KAZN: variants seen among roughly 807,000 people sequenced by gnomAD.
KAZN encodes the protein kazrin, periplakin interacting protein.
A neutral mutation model predicts 87.4 loss-of-function variants in KAZN; 40 were observed. The ratio of observed to expected loss-of-function variants is 0.46; its 90% CI spans 0.36 to 0.60. The LOEUF (loss-of-function observed/expected upper bound fraction) is 0.60, where lower values mean the gene tolerates loss of function less well. Among genes scored for constraint, KAZN ranks in the 20% least tolerant of loss-of-function variants. KAZN has a pLI of 0.00. For synonymous variants in KAZN, 466 were observed against 458.3 expected (o/e 1.02, Z -0.22); for missense variants, 898 against 1,073.9 (o/e 0.84, Z 2.29).
intron 1 of KAZN, among the ~76,000 whole-genome samples, chr1:14,615,513 C>T (rs1678163446): frequency 6.6e-6 from 1 of 152,064 alleles, no homozygotes; most frequent in South Asian, 2.1e-4. Flanking sequence ...GTAATTCCAG[C>T]TACTTGGGAG....
At chr1:13,939,579 T>G (rs368728847) in intron 1 of KAZN, among the ~76,000 whole-genome samples, 6 of 152,240 alleles carry the variant, frequency 3.9e-5, no homozygotes, top group African/African-American at 1.4e-4. Context: ...CCCTCCAAAC[T>G]CTTCCAATCT....
At chr1:14,933,850 T>C (rs1462503946) in intron 1 of KAZN, among the ~76,000 whole-genome samples, 1 of 35,770 alleles carries the variant, frequency 2.8e-5, no homozygotes, top group Non-Finnish European at 4.3e-5. Context: ...CTTTTTTTTC[T>C]TTTTTTTTTT....
At chr1:14,499,687 T>G (rs1354221632) in intron 2 of KAZN, among the ~76,000 whole-genome samples, 1 of 152,218 alleles carries the variant, frequency 6.6e-6, no homozygotes, top group Non-Finnish European at 1.5e-5. Flanking sequence ...GATGCTGAGC[T>G]CCTGATGAGT....
At chr1:14,246,887 A>C (rs4661480) in intron 2 of KAZN, among the ~76,000 whole-genome samples, 74,004 of 151,622 alleles carry the variant, frequency 0.49, 20,061 homozygotes, top group African/African-American at 0.71. Flanking sequence ...AGCTTTGTAA[A>C]AATGTCTCTA....
intron 1 of KAZN, chr1:14,924,416 C>G: frequency 1.2e-5 from 12 of 988,074 alleles, no homozygotes; most frequent in South Asian, 4.5e-5. Context: ...GCTCGCGGCG[C>G]AGGGCGAGCC....
chr1:14,078,197 A>C (rs1643535405), intron 1 of KAZN, among the ~76,000 whole-genome samples: 2 of 152,106 alleles, frequency 1.3e-5, no homozygotes, highest in Admixed American at 1.3e-4. Flanking sequence ...TGATGAGCTG[A>C]TGTACACTCT....
intron 2 of KAZN, among the ~76,000 whole-genome samples, chr1:14,231,977 G>A (rs1647903840): frequency 6.6e-6 from 1 of 152,144 alleles, no homozygotes; most frequent in African/African-American, 2.4e-5. Flanking sequence ...GATGGCTTGG[G>A]AGGGGTTTAT....
intron 1 of KAZN, among the ~76,000 whole-genome samples, chr1:14,729,204 G>T (rs775208383): frequency 2.0e-5 from 3 of 152,218 alleles, no homozygotes; most frequent in African/African-American, 7.2e-5. Flanking sequence ...AGGAGGGACA[G>T]CAAAGAAATG....
intron 1 of KAZN, among the ~76,000 whole-genome samples, chr1:14,084,110 G>A (rs1643777230): frequency 6.6e-6 from 1 of 152,248 alleles, no homozygotes. Context: ...CAGCCCCTCT[G>A]GAGGGAGGTG....
intron 2 of KAZN, among the ~76,000 whole-genome samples, chr1:14,416,943 C>T (rs550156260): frequency 1.0e-4 from 15 of 147,484 alleles, no homozygotes; most frequent in African/African-American, 3.5e-4. Flanking sequence ...TGTGTGTGAG[C>T]GTGTATATGT....
At chr1:14,768,976 T>C (rs7540574) in intron 1 of KAZN, among the ~76,000 whole-genome samples, 10,419 of 152,308 alleles carry the variant, frequency 0.068, 728 homozygotes, top group African/African-American at 0.17. Context: ...AGTGTGCAGC[T>C]ACCTCTTCCC....
chr1:14,222,456 T>C (rs893589708), intron 2 of KAZN, among the ~76,000 whole-genome samples: 5 of 152,218 alleles, frequency 3.3e-5, no homozygotes, highest in African/African-American at 1.2e-4. Context: ...CCACTTTTTA[T>C]AAAGGAGTCT....
intron 2 of KAZN, among the ~76,000 whole-genome samples, chr1:14,218,699 A>G (rs1431089253): frequency 6.6e-6 from 1 of 152,162 alleles, no homozygotes; most frequent in Non-Finnish European, 1.5e-5. Flanking sequence ...TTTGAAAATA[A>G]TAACCACTTA....
intron 2 of KAZN, among the ~76,000 whole-genome samples, chr1:14,300,041 G>C (rs1049375954): frequency 6.6e-6 from 1 of 152,076 alleles, no homozygotes; most frequent in African/African-American, 2.4e-5. Flanking sequence ...CCTGACTAGA[G>C]GAGAATGGTG....
rs183234565 is a variant in KAZN at position 15,074,072 on chromosome 1, G to A, written c.1222+8319G>A. Among the ~76,000 whole-genome samples the A allele has an allele frequency of 4.2e-3, 643 of 152,328 alleles. 5 individuals are homozygous for A. Among genetic ancestry groups the A allele is most frequent in the Non-Finnish European group, 4.5e-3 (305 of 68,028 alleles). ...CAGTGTTCAGGTTGGTCAAGGACTC[G>A]CTGTGTGACCACAGCCAAGCTGGTC... is the stretch of plus-strand genomic sequence containing the variant. On this transcript the variant is annotated intron_variant, in intron 8 of 14. Transcript: ENST00000376030.
chr1:14,646,826 C>T (rs904379729), intron 1 of KAZN, among the ~76,000 whole-genome samples: 3 of 152,174 alleles, frequency 2.0e-5, no homozygotes, highest in African/African-American at 7.2e-5. Flanking sequence ...CTCAGAGACC[C>T]CTTTGCTTTC....
At chr1:14,100,108 C>T (rs7529751) in intron 1 of KAZN, among the ~76,000 whole-genome samples, 8,824 of 152,240 alleles carry the variant, frequency 0.058, 818 homozygotes, top group African/African-American at 0.19. Flanking sequence ...CCTGCCCTCC[C>T]ACCAGTTGCT....
chr1:15,055,981 C>G, intron 4 of KAZN, 110 bp from the exon 5 acceptor site: 1 of 1,056,758 alleles, frequency 9.5e-7, no homozygotes, highest in Non-Finnish European at 1.4e-6. Flanking sequence ...CAGCAATACC[C>G]GGTGCAGAGG....
At chr1:14,973,894 A>G (rs965878509) in intron 2 of KAZN, among the ~76,000 whole-genome samples, 2 of 152,118 alleles carry the variant, frequency 1.3e-5, no homozygotes, top group African/African-American at 2.4e-5. Context: ...TCTTAGTGGC[A>G]TAAAGCAACC....
Sources: gnomAD v4.1 joint callset for allele counts (sites outside exome capture counted in the v4.1 genomes callset) on GRCh38, gnomAD v4.1.1 for gene constraint, MANE v1.5 for transcripts, NCBI Gene and HGNC (gene_info 2026-07-23, HGNC 2026-07-21) for gene names.